The following DOK6 variants were observed in gnomAD, a reference collection of about 807,000 sequenced individuals.
The protein encoded by DOK6 is downstream of tyrosine kinase 6.
In DOK6, 22 loss-of-function variants were observed where a neutral mutation model predicts 44.0. That is an observed-to-expected ratio of 0.50 (90% CI 0.36 to 0.71). The LOEUF is 0.71. Among genes scored for constraint, DOK6 ranks in the 30% least tolerant of loss-of-function variants. DOK6 has a pLI of 0.00. For missense variants in DOK6, 340 were observed against 416.4 expected (o/e 0.82, Z 1.60); for synonymous variants, 166 against 145.5 (o/e 1.14, Z -1.01).
At chr18:69,508,271 G>T (rs1283984942) in intron 1 of DOK6, among the ~76,000 whole-genome samples, 1 of 152,050 alleles carries the variant, frequency 6.6e-6, no homozygotes, top group African/African-American at 2.4e-5. Flanking sequence ...CTATTTTATG[G>T]AGTTTTTTGC....
chr18:69,450,155 A>G (rs1210494020), intron 1 of DOK6, among the ~76,000 whole-genome samples: 2 of 99,256 alleles, frequency 2.0e-5, no homozygotes, highest in South Asian at 8.6e-4. Flanking sequence ...GAAGTTGAAA[A>G]CTTTGAAAAA....
At chr18:69,436,171 AT>A (rs10657543) in intron 1 of DOK6, among the ~76,000 whole-genome samples, 30,699 of 145,004 alleles carry the variant, frequency 0.21, 3,358 homozygotes, top group South Asian at 0.31. Context: ...AATTATCTGG[AT>A]TTTTTTTTTT....
At chr18:69,510,904 A>G (rs548602611) in intron 1 of DOK6, among the ~76,000 whole-genome samples, 1 of 152,204 alleles carries the variant, frequency 6.6e-6, no homozygotes, top group African/African-American at 2.4e-5. Context: ...TGGCTAAATT[A>G]TAATTATATG....
chr18:69,675,668 T>TA (rs199790798), intron 3 of DOK6, among the ~76,000 whole-genome samples: 2,580 of 151,366 alleles, frequency 0.017, 91 homozygotes, highest in African/African-American at 0.059. Flanking sequence ...AGTATAATAA[T>TA]AAAAAAAAGA....
chr18:69,585,898 A>T (rs1434849149), intron 2 of DOK6, among the ~76,000 whole-genome samples: 1 of 152,228 alleles, frequency 6.6e-6, no homozygotes, highest in Non-Finnish European at 1.5e-5. Flanking sequence ...TATGTCAGCA[A>T]TCTGTCCCTA....
intron 1 of DOK6, among the ~76,000 whole-genome samples, chr18:69,403,180 T>C (rs1445533900): frequency 6.6e-6 from 1 of 152,182 alleles, no homozygotes; most frequent in Non-Finnish European, 1.5e-5. Context: ...GTCACCTGCA[T>C]ATGAAAATGA....
intron 2 of DOK6, among the ~76,000 whole-genome samples, chr18:69,590,822 G>A (rs140235146): frequency 3.3e-5 from 5 of 152,204 alleles, no homozygotes; most frequent in Non-Finnish European, 5.9e-5. Context: ...TGAAGAGGAA[G>A]GAATAGGTAG....
At chr18:69,559,646 T>A (rs1982778783) in intron 1 of DOK6, among the ~76,000 whole-genome samples, 1 of 152,124 alleles carries the variant, frequency 6.6e-6, no homozygotes, top group African/African-American at 2.4e-5. Flanking sequence ...AAAATATATC[T>A]AAAAGTATCT....
At chr18:69,711,994 CT>C (rs1397577143) in intron 5 of DOK6, among the ~76,000 whole-genome samples, 1 of 151,772 alleles carries the variant, frequency 6.6e-6, no homozygotes, top group Non-Finnish European at 1.5e-5. Context: ...AAAAATGAAC[CT>C]TTTCGGCCGG....
At chr18:69,667,374 T>C (rs1431257341) in intron 3 of DOK6, among the ~76,000 whole-genome samples, 1 of 152,188 alleles carries the variant, frequency 6.6e-6, no homozygotes, top group East Asian at 1.9e-4. Context: ...GACTCCAACT[T>C]CTGTTTCTCT....
intron 1 of DOK6, among the ~76,000 whole-genome samples, chr18:69,525,211 T>TATGCATAATAAA (rs1482299571): frequency 6.6e-6 from 1 of 151,928 alleles, no homozygotes; most frequent in East Asian, 1.9e-4. Flanking sequence ...TTTTCTTTAT[T>TATGCATAATAAA]ATGCATAATA....
intron 5 of DOK6, among the ~76,000 whole-genome samples, chr18:69,700,214 T>C (rs990704667): frequency 5.5e-5 from 7 of 127,018 alleles, no homozygotes; most frequent in African/African-American, 2.1e-4. Flanking sequence ...TACATATATA[T>C]ACATATATAT....
Position 69,842,900 on chromosome 18 carries a change from T to C in DOK6, c.*1517T>C, listed in dbSNP as rs898642969. The C allele has an allele frequency of 6.6e-6, 1 of 152,190 alleles. No individual in the cohort carries two copies. The highest frequency in any genetic ancestry group is 2.4e-5 in the African/African-American group (1 of 41,446). 9.4% of individuals were successfully genotyped at this position (152,190 alleles called of 1,614,324 possible). On this transcript the variant is annotated 3_prime_UTR_variant, in exon 8 of 8. Transcript: ENST00000382713. ...ACGCAAGATGAAAACCCAGGTTTTT[T>C]TTTTCTTAATAGGAAAATTTTTTAA...
intron 7 of DOK6, among the ~76,000 whole-genome samples, chr18:69,763,448 G>T (rs1044369971): frequency 2.0e-5 from 3 of 152,124 alleles, no homozygotes; most frequent in Non-Finnish European, 2.9e-5. Flanking sequence ...GTAAAGGGAT[G>T]AACATGATTT....
intron 1 of DOK6, among the ~76,000 whole-genome samples, chr18:69,510,434 T>G (rs1413811387): frequency 1.3e-5 from 2 of 152,134 alleles, no homozygotes; most frequent in Non-Finnish European, 2.9e-5. Context: ...TCTTTACTAA[T>G]TGCCTTTAAG....
At chr18:69,709,120 T>G (rs1986701936) in intron 5 of DOK6, among the ~76,000 whole-genome samples, 1 of 152,110 alleles carries the variant, frequency 6.6e-6, no homozygotes. Flanking sequence ...GAAATCTTCT[T>G]TAAGGGGACT....
intron 3 of DOK6, among the ~76,000 whole-genome samples, chr18:69,652,208 T>C (rs999325731): frequency 3.3e-5 from 5 of 152,218 alleles, no homozygotes; most frequent in Non-Finnish European, 7.3e-5. Context: ...GACAAGTGAA[T>C]TATTAAATAA....
intron 1 of DOK6, among the ~76,000 whole-genome samples, chr18:69,459,556 A>C (rs1421677463): frequency 1.3e-5 from 2 of 152,172 alleles, no homozygotes; most frequent in African/African-American, 2.4e-5. Flanking sequence ...AACAAGAGCA[A>C]ATCCCAATCA....
intron 1 of DOK6, among the ~76,000 whole-genome samples, chr18:69,420,093 C>T (rs1317831650): frequency 6.6e-6 from 1 of 151,592 alleles, no homozygotes; most frequent in Non-Finnish European, 1.5e-5. Flanking sequence ...TTTTTGTGAA[C>T]ATACTAAAAT....
Sources: allele counts gnomAD v4.1 joint callset (sites outside exome capture counted in the v4.1 genomes callset), GRCh38; gene constraint gnomAD v4.1.1; transcripts MANE v1.5; gene names NCBI Gene and HGNC (gene_info 2026-07-23, HGNC 2026-07-21).